Variants in VKORC1L1 observed in about 807,000 individuals in gnomAD.
VKORC1L1 encodes the protein vitamin K epoxide reductase complex subunit 1L1.
A neutral mutation model predicts 18.9 loss-of-function variants in VKORC1L1; 2 were observed. The observed-to-expected ratio is 0.11, with a 90% CI of 0.04 to 0.33. VKORC1L1 has a LOEUF of 0.33. VKORC1L1 is among the 10% of genes least tolerant of loss of function. The probability of loss-of-function intolerance (pLI) is 1.00; values close to 1 mark genes in which losing one functional copy is unlikely to be tolerated. For synonymous variants in VKORC1L1, 96 were observed against 100.0 expected, an observed-to-expected ratio of 0.96 and a Z score of 0.24; for missense variants, 123 against 224.1, an observed-to-expected ratio of 0.55 and a Z score of 2.88.
chr7:65,870,378 C>T (rs535047491), upstream of VKORC1L1, among the ~76,000 whole-genome samples: 168 of 151,850 alleles, frequency 1.1e-3, no homozygotes, highest in Non-Finnish European at 1.9e-3. Context: ...TGCAGTGAGT[C>T]GAGATTGCAT....
Position 65,902,693 on chromosome 7 carries a change from A to G in VKORC1L1, c.194+29128A>G, listed in dbSNP as rs1425020746. Among the ~76,000 whole-genome samples, 3 of 152,278 alleles carry G rather than the reference A, an allele frequency of 2.0e-5. No homozygotes were observed. The East Asian group carries it at 5.8e-4, about 29-fold the overall frequency. ...TATAAAGGAAACCACACCAAGGCAC[A>G]TCATCATCAAACTGTTGGCAACCCA... is the stretch of plus-strand genomic sequence containing the variant. On this transcript the variant is annotated intron_variant, in intron 1 of 2. Transcript: ENST00000360768.
upstream of VKORC1L1, among the ~76,000 whole-genome samples, chr7:65,873,064 A>C (rs1440999893): frequency 8.0e-6 from 1 of 125,444 alleles, no homozygotes; most frequent in Non-Finnish European, 1.7e-5. Flanking sequence ...GCGCAGCGCC[A>C]CGCCGCCTCA....
rs371022100 is a variant in VKORC1L1, at chr7:65,886,232, A to G, written c.194+12667A>G. On this transcript the variant is annotated intron_variant, in intron 1 of 2. Transcript: ENST00000360768. ...TATGTATACTCTGGTTCTTGTAATA[A>G]TCGGCAGTATATTATGATCTCTTTT... Among the ~76,000 whole-genome samples the G allele has an allele frequency of 1.6e-3, 242 of 152,326 alleles. 10 individuals carry two copies. In the South Asian group the frequency reaches 0.049, roughly 31 times the overall value.
chr7:65,908,826 G>A (rs1442014667), intron 1 of VKORC1L1, among the ~76,000 whole-genome samples: 6 of 98,800 alleles, frequency 6.1e-5, no homozygotes, highest in African/African-American at 2.4e-4. Context: ...GACAAAGCAA[G>A]ACTCCATCTC....
At chr7:65,867,315 T>C in the VKORC1L1 span, among the ~76,000 whole-genome samples, 1,844 of 152,204 alleles carry the variant, frequency 0.012, 37 homozygotes, top group Non-Finnish European at 0.013. Context: ...GGGGAAAATA[T>C]TGATTAAGGC....
rs560621934 is a variant in VKORC1L1 at position 65,915,191 on chromosome 7, A to C, written c.195-33480A>C. ...ACTGCAAGCTCCGCCTCCTGGGTTC[A>C]CATCATTCTCCTGCCTCAGCCTCCC... On this transcript the variant is annotated intron_variant, in intron 1 of 2. Transcript: ENST00000360768. Among the ~76,000 whole-genome samples the C allele has an allele frequency of 8.6e-4, 126 of 146,542 alleles. 1 individual carries two copies. In the South Asian group the frequency reaches 0.013, roughly 15 times the overall value.
intron 1 of VKORC1L1, among the ~76,000 whole-genome samples, chr7:65,910,718 A>G (rs939937247): frequency 6.6e-6 from 1 of 152,066 alleles, no homozygotes; most frequent in Admixed American, 6.6e-5. Context: ...TTAGTTTCCA[A>G]AGGTAGCAAG....
chr7:65,951,984 A>G (rs1790220836), intron 2 of VKORC1L1, among the ~76,000 whole-genome samples: 1 of 152,194 alleles, frequency 6.6e-6, no homozygotes, highest in Admixed American at 6.5e-5. Flanking sequence ...TAGCTGCATT[A>G]CAGTAGCATT....
intron 1 of VKORC1L1, among the ~76,000 whole-genome samples, chr7:65,900,041 ACG>A: frequency 9.6e-6 from 1 of 104,092 alleles, no homozygotes; most frequent in Non-Finnish European, 1.9e-5. Flanking sequence ...ATGTGCACGC[ACG>A]TGTGTGTGTG....
chr7:65,952,123 A>G (rs1261668519), intron 2 of VKORC1L1, among the ~76,000 whole-genome samples: 1 of 152,250 alleles, frequency 6.6e-6, no homozygotes, highest in African/African-American at 2.4e-5. Flanking sequence ...TGAGAAAAGA[A>G]AGGCATAGAG....
chr7:65,944,060 C>G (rs1380067623), intron 1 of VKORC1L1, among the ~76,000 whole-genome samples: 1 of 152,174 alleles, frequency 6.6e-6, no homozygotes, highest in Non-Finnish European at 1.5e-5. Flanking sequence ...GGGCGGATCA[C>G]TTGAGGTCTA....
At chr7:65,891,172 C>G (rs1034026401) in intron 1 of VKORC1L1, among the ~76,000 whole-genome samples, 1 of 142,094 alleles carries the variant, frequency 7.0e-6, no homozygotes, top group African/African-American at 2.6e-5. Flanking sequence ...TTGCTGAGTT[C>G]TGTTGTATGA....
At chr7:65,887,499 A>G (rs1379550986) in intron 1 of VKORC1L1, among the ~76,000 whole-genome samples, 1 of 151,626 alleles carries the variant, frequency 6.6e-6, no homozygotes, top group East Asian at 1.9e-4. Context: ...TAATTGTGCT[A>G]TGGCCTCCCT....
chr7:65,918,214 A>G (rs960658188), intron 1 of VKORC1L1, among the ~76,000 whole-genome samples: 3 of 152,210 alleles, frequency 2.0e-5, no homozygotes, highest in African/African-American at 7.2e-5. Flanking sequence ...GGAATCAAAC[A>G]TTGTATACTT....
chr7:65,890,109 C>G (rs1243208987), intron 1 of VKORC1L1, among the ~76,000 whole-genome samples: 1 of 150,908 alleles, frequency 6.6e-6, no homozygotes, highest in East Asian at 1.9e-4. Context: ...AGGTGCACAC[C>G]ACCACACCTG....
intron 1 of VKORC1L1, among the ~76,000 whole-genome samples, chr7:65,895,666 G>T (rs62470890): frequency 6.6e-6 from 1 of 150,794 alleles, no homozygotes; most frequent in Non-Finnish European, 1.5e-5. Context: ...CTGTTCATGA[G>T]GGAGGTATTA....
chr7:65,952,967 T>C (rs965164918), intron 2 of VKORC1L1, among the ~76,000 whole-genome samples: 2 of 151,772 alleles, frequency 1.3e-5, no homozygotes, highest in African/African-American at 4.8e-5. Context: ...TTTTTTCTCT[T>C]GTACTTTTTA....
chr7:65,877,224 A>G (rs1788844622), intron 1 of VKORC1L1, among the ~76,000 whole-genome samples: 1 of 152,178 alleles, frequency 6.6e-6, no homozygotes, highest in Non-Finnish European at 1.5e-5. Flanking sequence ...TCTTGTACAT[A>G]CTTGTTTATA....
chr7:65,927,022 C>T (rs747010414), intron 1 of VKORC1L1, among the ~76,000 whole-genome samples: 1 of 152,014 alleles, frequency 6.6e-6, no homozygotes, highest in African/African-American at 2.4e-5. Context: ...CATGGTGGCT[C>T]ACGCCTGTAA....
Sources: allele counts gnomAD v4.1 joint callset (sites outside exome capture counted in the v4.1 genomes callset), GRCh38; gene constraint gnomAD v4.1.1; transcripts MANE v1.5; gene names NCBI Gene and HGNC (gene_info 2026-07-23, HGNC 2026-07-21).